Variants in GAS6 observed in about 807,000 individuals in gnomAD.
GAS6 encodes the protein growth arrest specific 6.
A neutral mutation model predicts 75.8 loss-of-function variants in GAS6; 41 were observed. That is an observed-to-expected ratio of 0.54 (90% CI 0.42 to 0.70). GAS6 has a LOEUF of 0.70. GAS6 is among the 30% of genes least tolerant of loss of function. The pLI is 0.00. For synonymous variants in GAS6, 432 were observed against 412.6 expected (o/e 1.05, Z -0.57); for missense variants, 854 against 940.2 (o/e 0.91, Z 1.20).
rs1267198856 is a variant in GAS6, at chr13:113,846,544, A to G, written c.326T>C (p.Phe109Ser). 3 of 1,613,944 alleles carry G rather than the reference A, an allele frequency of 1.9e-6. No homozygotes were observed. Among genetic ancestry groups the G allele is most frequent in the Non-Finnish European group, 2.5e-6 (3 of 1,180,014 alleles). ...CGACTTACTTTGCACGCAGGTGGCG[A>G]AGCCTGAGTTTTTGGTGTACGGAGA... Reference protein sequence around the residue: ...YGSPYTKNSGFATCVQNLPDQ... With the variant: ...YGSPYTKNSGSATCVQNLPDQ... The change falls in exon 4 of 15, where the codon TTC becomes TCC. Residue 109 changes from phenylalanine to serine, a missense_variant. Coordinates refer to ENST00000327773, the MANE Select transcript of GAS6 (RefSeq NM_000820.4).
At chr13:113,859,602 ATGTGTGTGCC>A (rs1566377001) in intron 2 of GAS6, among the ~76,000 whole-genome samples, 1 of 151,576 alleles carries the variant, frequency 6.6e-6, no homozygotes. Context: ...GTCTGTTAGT[ATGTGTGTGCC>A]TGTGTGTGTG....
intron 8 of GAS6, among the ~76,000 whole-genome samples, chr13:113,834,129 T>C (rs1387599788): frequency 7.3e-6 from 1 of 136,764 alleles, no homozygotes; most frequent in South Asian, 2.4e-4. Context: ...GTGTGACAGG[T>C]CGGTGTGACA....
chr13:113,835,888 C>T (rs985880893), intron 6 of GAS6: 4 of 1,334,890 alleles, frequency 3.0e-6, no homozygotes, highest in Non-Finnish European at 1.9e-6. Flanking sequence ...CTGGGAAGGG[C>T]CCTGCTTGGT....
chr13:113,839,396 T>G (rs145628797), intron 5 of GAS6: 4 of 186,072 alleles, frequency 2.1e-5, no homozygotes, highest in Non-Finnish European at 3.6e-5. Flanking sequence ...GAGGTGAAAT[T>G]TCCCCCCCGC....
intron 11 of GAS6, among the ~76,000 whole-genome samples, chr13:113,828,120 C>T (rs1002789138): frequency 1.2e-4 from 18 of 152,152 alleles, no homozygotes; most frequent in East Asian, 7.8e-4. Context: ...AAAAATTAGC[C>T]GGACGTGGTG....
At position 113,834,681 on chromosome 13, in the gene GAS6, C is replaced by G; in HGVS notation, c.713-9G>C. On this transcript the variant is annotated splice_polypyrimidine_tract_variant and intron_variant, in intron 7 of 14. Coordinates refer to ENST00000327773, the MANE Select transcript of GAS6 (RefSeq NM_000820.4). ...CAGACACTCGTCCACATCTGCCAGC[C>G]AGAGGGAAGCGGCGGTGAGCCGGGG... 1 of 1,543,568 alleles carries G rather than the reference C, an allele frequency of 6.5e-7. No individual in the cohort carries two copies. Among genetic ancestry groups the G allele is most frequent in the Non-Finnish European group, 8.8e-7 (1 of 1,141,662 alleles).
At position 113,863,118 on chromosome 13, in the gene GAS6, A is replaced by G. The variant is rs1161991413; in HGVS notation, c.255+457T>C. ...GGCCCCGCTCGATTCCTGGAATCTT[A>G]TTTTTGGACCTGCTGCCGCAAGCAG... is the stretch of plus-strand genomic sequence containing the variant. On this transcript the variant is annotated intron_variant, in intron 2 of 14. Transcript: ENST00000327773. The surrounding 1 kb of genome is among the most constrained non-coding windows in gnomAD (Gnocchi z 9.4). 1.3e-5 allele frequency among the ~76,000 whole-genome samples: 2 copies of G among 151,958 alleles called. No individual in the cohort carries two copies. Among genetic ancestry groups the G allele is most frequent in the Non-Finnish European group, 2.9e-5 (2 of 67,962 alleles).
chr13:113,838,362 G>T lies in GAS6; in HGVS notation c.467-171C>A. The T allele has an allele frequency of 8.3e-6, 6 of 721,986 alleles. No individual in the cohort carries two copies. The South Asian group carries it at 1.1e-4, about 13-fold the overall frequency. The allele number at this position is 721,986 out of a possible 1,614,324, so 44.7% of individuals were successfully genotyped here. A position where few individuals can be genotyped will look rare whatever the true frequency, so the allele number is the denominator to read the frequency against. ...TCCCAAAGGTGCACAGCCCAGCCCT[G>T]GAGCAGGGAGGGAGACCAGGGGTCA... On this transcript the variant is annotated intron_variant, in intron 5 of 14. Coordinates refer to ENST00000327773, the MANE Select transcript of GAS6 (RefSeq NM_000820.4).
In GAS6 at chr13:113,848,365, G is replaced by A. The variant is rs559304555; in HGVS notation, c.256-315C>T. ...GACATAAGGGTCTCTAAAACCCAAA[G>A]ACCTTAGTTCCCTGTTGACACAAAG... is the stretch of plus-strand genomic sequence containing the variant. On this transcript the variant is annotated intron_variant, in intron 2 of 14. Transcript: ENST00000327773. The surrounding 1 kb of genome is among the most constrained non-coding windows in gnomAD (Gnocchi z 4.8). 1.3e-5 allele frequency among the ~76,000 whole-genome samples: 2 copies of A among 152,132 alleles called. No individual in the cohort carries two copies.
At chr13:113,821,083 C>G (rs7319527) in intron 14 of GAS6, 65 bp from the exon 15 acceptor site, 38 of 1,561,380 alleles carry the variant, frequency 2.4e-5, no homozygotes, top group Admixed American at 1.9e-4. Flanking sequence ...CTGGCCCCCC[C>G]ACCCCCGGCA....
chr13:113,854,214 C>T (rs2051896530), intron 2 of GAS6, among the ~76,000 whole-genome samples: 1 of 152,248 alleles, frequency 6.6e-6, no homozygotes, highest in Admixed American at 6.5e-5. Context: ...CTGGGAAAGG[C>T]CTCTGTAGCT....
In GAS6 at chr13:113,844,824, G is replaced by C. The variant is rs996208885; in HGVS notation, c.343+1703C>G. 3 of 150,280 alleles carry C rather than the reference G, an allele frequency of 2.0e-5. No homozygotes were observed. The highest frequency in any genetic ancestry group is 1.3e-4 in the Admixed American group (2 of 15,192). The allele number at this position is 150,280 out of a possible 1,614,324, so 9.3% of individuals were successfully genotyped here. ...GACAGACTCAAATGTGTGGTGTTGGGGCAGGAACTGAGCCTGCAGTCTAGA... is the reference window on the plus strand; with the variant it reads ...GACAGACTCAAATGTGTGGTGTTGGCGCAGGAACTGAGCCTGCAGTCTAGA... On this transcript the variant is annotated intron_variant, in intron 4 of 14. Coordinates refer to ENST00000327773, the MANE Select transcript of GAS6 (RefSeq NM_000820.4). The surrounding 1 kb of genome is among the most constrained non-coding windows in gnomAD (Gnocchi z 5.7).
chr13:113,823,638 C>T (rs2051491348), intron 12 of GAS6, 88 bp from the exon 13 acceptor site: 2 of 1,324,392 alleles, frequency 1.5e-6, no homozygotes, highest in East Asian at 2.5e-5. Flanking sequence ...GATGCAGTCC[C>T]AGCCGGGGTG....
intron 2 of GAS6, among the ~76,000 whole-genome samples, chr13:113,860,740 G>A (rs1185125454): frequency 6.6e-6 from 1 of 152,208 alleles, no homozygotes; most frequent in Non-Finnish European, 1.5e-5. Flanking sequence ...CAGCCTGGAG[G>A]AATGTCGGGG....
intron 10 of GAS6, among the ~76,000 whole-genome samples, chr13:113,829,629 C>T (rs1338902659): frequency 6.6e-6 from 1 of 150,784 alleles, no homozygotes; most frequent in Non-Finnish European, 1.5e-5. Context: ...TCACCTGAGC[C>T]ATGAGGGACC....
chr13:113,835,587 T>G lies in GAS6; in HGVS notation c.638A>C (p.Lys213Thr). 6.2e-7 allele frequency: 1 copy of G among 1,612,504 alleles called. No homozygotes were observed. The highest frequency in any genetic ancestry group is 8.5e-7 in the Non-Finnish European group (1 of 1,179,878). ...GCAGGAGTAGGAGCCGGGCAGGTTC[T>G]TGCAGCGCGCCTCCCCGCAGGCCTC... The part of the protein sequence containing the change: ...DSEACGEARC[K>T]NLPGSYSCLC... Residue 213 changes from lysine to threonine, a missense_variant, in exon 7 of 15, where the codon AAG becomes ACG. By Grantham distance (78) the Lys-to-Thr change is moderately conservative. Coordinates refer to ENST00000327773, the MANE Select transcript of GAS6 (RefSeq NM_000820.4).
At chr13:113,857,341 G>A (rs2051922983) in intron 2 of GAS6, among the ~76,000 whole-genome samples, 1 of 152,056 alleles carries the variant, frequency 6.6e-6, no homozygotes. Context: ...TCCACTTCCA[G>A]CTCCCCTTTA....
At chr13:113,840,457 G>A (rs892364071) in intron 4 of GAS6, 1 of 152,860 alleles carries the variant, frequency 6.5e-6, no homozygotes, top group Non-Finnish European at 1.5e-5. Flanking sequence ...AGGGCCAGAG[G>A]TCAGGGGAAC....
chr13:113,836,845 AGTGGG>A, intron 6 of GAS6, among the ~76,000 whole-genome samples: 1 of 48,612 alleles, frequency 2.1e-5, no homozygotes, highest in South Asian at 9.5e-4. Context: ...GAGGAGGGGG[AGTGGG>A]GGGGAGGAGG....
Sources: gnomAD v4.1 joint callset for allele counts (sites outside exome capture counted in the v4.1 genomes callset) on GRCh38, gnomAD v4.1.1 for gene constraint, Gnocchi (gnomAD v3.1) non-coding constraint, MANE v1.5 for transcripts, NCBI Gene and HGNC (gene_info 2026-07-23, HGNC 2026-07-21) for gene names.